Variants in CNKSR2 observed in about 807,000 individuals in gnomAD.
CNKSR2 encodes connector enhancer of kinase suppressor of Ras 2, also known as CNK homolog protein 2.
Under a neutral mutation model 84.4 loss-of-function variants are expected in CNKSR2, and 14 were observed. The observed-to-expected ratio is 0.17, with a 90% CI of 0.11 to 0.26. The LOEUF (loss-of-function observed/expected upper bound fraction) is 0.26, where lower values mean the gene tolerates loss of function less well. CNKSR2 is among the 10% of genes least tolerant of loss of function. CNKSR2 has a pLI of 1.00. For synonymous variants in CNKSR2, 275 were observed against 277.9 expected (o/e 0.99, Z 0.10); for missense variants, 485 against 771.2 (o/e 0.63, Z 4.40).
intron 11 of CNKSR2, among the ~76,000 whole-genome samples, chrX:21,546,959 C>T (rs1384801824): frequency 1.8e-5 from 2 of 112,030 alleles, no homozygotes; most frequent in Admixed American, 1.9e-4. Flanking sequence ...AAACTGGCAC[C>T]AGCCACTGCA....
At chrX:21,592,823 T>C (rs2092429098) in intron 15 of CNKSR2, 1 of 110,278 alleles carries the variant, frequency 9.1e-6, no homozygotes, top group South Asian at 3.8e-4. Flanking sequence ...TTAATAGATA[T>C]ATATTAAATA....
At chrX:21,536,829 GT>G (rs57674975) in intron 11 of CNKSR2, among the ~76,000 whole-genome samples, 1,455 of 93,056 alleles carry the variant, frequency 0.016, 9 homozygotes, top group South Asian at 0.023. Flanking sequence ...TCTTCTGTAG[GT>G]TTTTTTTTTT....
chrX:21,431,756 C>A (rs999204100), intron 2 of CNKSR2, among the ~76,000 whole-genome samples: 1 of 111,700 alleles, frequency 9.0e-6, no homozygotes, highest in Non-Finnish European at 1.9e-5. Context: ...CAATCTTTTT[C>A]TATTTGAAGA....
chrX:21,579,797 A>ATACCCTT (rs1350368958), intron 13 of CNKSR2, among the ~76,000 whole-genome samples: 1 of 111,864 alleles, frequency 8.9e-6, no homozygotes, highest in Admixed American at 9.5e-5. Flanking sequence ...CTCCAACAGT[A>ATACCCTT]CTACCAAAAT....
intron 20 of CNKSR2, among the ~76,000 whole-genome samples, chrX:21,635,592 A>C (rs1248384723): frequency 9.2e-6 from 1 of 108,581 alleles, no homozygotes; most frequent in African/African-American, 3.3e-5. Context: ...GTGTGTGTAT[A>C]TGTATAGATC....
chrX:21,536,553 G>A (rs934908533), intron 11 of CNKSR2, among the ~76,000 whole-genome samples: 1 of 110,662 alleles, frequency 9.0e-6, no homozygotes, highest in Non-Finnish European at 1.9e-5. Flanking sequence ...CTCATTACTA[G>A]ATAGTGATCT....
intron 13 of CNKSR2, among the ~76,000 whole-genome samples, chrX:21,584,200 T>C (rs942247580): frequency 3.6e-5 from 4 of 112,255 alleles, no homozygotes; most frequent in Non-Finnish European, 5.6e-5. Flanking sequence ...AAATTCTTCT[T>C]ATCTACCAAA....
At chrX:21,601,027 A>C (rs1318205103) in intron 17 of CNKSR2, among the ~76,000 whole-genome samples, 1 of 111,763 alleles carries the variant, frequency 8.9e-6, no homozygotes, top group African/African-American at 3.2e-5. Flanking sequence ...GTCATCTCCA[A>C]ACCCTTTATG....
intron 2 of CNKSR2, 149 bp downstream of exon 2, chrX:21,426,809 T>G: frequency 5.1e-6 from 3 of 585,872 alleles, no homozygotes; most frequent in Non-Finnish European, 7.7e-6. Flanking sequence ...ATTTTCTTCC[T>G]TCCTTAAATT....
At chrX:21,649,056 C>A (rs1257580409) in intron 21 of CNKSR2, 29 bp downstream of exon 21, 1 of 1,051,441 alleles carries the variant, frequency 9.5e-7, no homozygotes, top group Non-Finnish European at 1.3e-6. Flanking sequence ...GGACAAATTT[C>A]TTTGAAGAGA....
At chrX:21,590,827 G>T in intron 14 of CNKSR2, 195 bp from the exon 15 acceptor site, 1 of 451,582 alleles carries the variant, frequency 2.2e-6, no homozygotes, top group Non-Finnish European at 3.7e-6. Flanking sequence ...TTTTGAGAGT[G>T]GTGTTACATA....
chrX:21,623,049 C>T (rs1015962834), intron 20 of CNKSR2, among the ~76,000 whole-genome samples: 11 of 110,831 alleles, frequency 9.9e-5, no homozygotes, highest in African/African-American at 3.6e-4. Flanking sequence ...CCTGGTTGGA[C>T]TTTTACAGAT....
intron 13 of CNKSR2, among the ~76,000 whole-genome samples, chrX:21,571,772 A>G (rs1417897130): frequency 8.9e-6 from 1 of 112,278 alleles, no homozygotes; most frequent in African/African-American, 3.2e-5. Flanking sequence ...TTACTAACAT[A>G]TAAACATTCA....
chrX:21,574,324 T>C (rs1016436201), intron 13 of CNKSR2, among the ~76,000 whole-genome samples: 22 of 111,905 alleles, frequency 2.0e-4, no homozygotes, highest in Non-Finnish European at 4.1e-4. Context: ...GGTATCCTTA[T>C]AGCAGCACCC....
intron 1 of CNKSR2, among the ~76,000 whole-genome samples, chrX:21,399,891 T>A (rs761066520): frequency 8.1e-5 from 9 of 111,584 alleles, no homozygotes; most frequent in Non-Finnish European, 1.3e-4. Context: ...AGTTATTCAA[T>A]TTTCTCATTT....
intron 21 of CNKSR2, 140 bp downstream of exon 21, chrX:21,649,167 T>C: frequency 2.3e-6 from 1 of 443,272 alleles, no homozygotes; most frequent in South Asian, 4.3e-5. Context: ...AGCTGAGCTA[T>C]TTCTATGTCA....
intron 13 of CNKSR2, among the ~76,000 whole-genome samples, chrX:21,567,603 C>T (rs1288915907): frequency 8.9e-6 from 1 of 111,927 alleles, no homozygotes; most frequent in Admixed American, 9.5e-5. Context: ...TTGCTTGCTT[C>T]CTTTCCCTGC....
chrX:21,531,982 C>T lies in CNKSR2; in HGVS notation c.1218C>T (p.Val406=), dbSNP rs771414691. Reference sequence around the variant, plus strand: ...AATATCGAAAGAGATTTAATATTGTCGAAGAAGATACTGTCTTATATTGCT... The same window carrying T: ...AATATCGAAAGAGATTTAATATTGTTGAAGAAGATACTGTCTTATATTGCT... The part of the protein sequence containing the change: ...DQEYRKRFNI[V]EEDTVLYCYE... Residue 406 remains valine, a synonymous_variant, in exon 11 of 22, where the codon GTC becomes GTT. Transcript: ENST00000379510. 1.7e-5 allele frequency: 20 copies of T among 1,200,555 alleles called. No individual in the cohort carries two copies. The highest frequency in any genetic ancestry group is 5.3e-5 in the South Asian group (3 of 56,586).
chrX:21,523,621 A>G (rs1270984532), intron 9 of CNKSR2, among the ~76,000 whole-genome samples: 1 of 110,251 alleles, frequency 9.1e-6, no homozygotes, highest in African/African-American at 3.3e-5. Context: ...TTTTTTTTCA[A>G]TCTAAGGAAT....
Sources: gnomAD v4.1 joint callset for allele counts (sites outside exome capture counted in the v4.1 genomes callset) on GRCh38, gnomAD v4.1.1 for gene constraint, MANE v1.5 for transcripts, NCBI Gene and HGNC (gene_info 2026-07-23, HGNC 2026-07-21) for gene names.